Variants in SRD5A2 observed in about 807,000 individuals in gnomAD.
The protein encoded by SRD5A2 is 3-oxo-5-alpha-steroid 4-dehydrogenase 2.
In SRD5A2, 30 loss-of-function variants were observed where a neutral mutation model predicts 27.4. That is an observed-to-expected ratio of 1.10 (90% CI 0.82 to 1.49). The LOEUF is 1.49. Ranked by LOEUF, SRD5A2 falls within the 40% of genes most tolerant of loss-of-function variation. The pLI, the probability that SRD5A2 is intolerant of heterozygous loss-of-function variation, is 0.00. For missense variants in SRD5A2, 348 were observed against 323.4 expected (o/e 1.08, Z -0.58); for synonymous variants, 141 against 133.6 (o/e 1.06, Z -0.38).
At chr2:31,602,919 G>A in the SRD5A2 span, among the ~76,000 whole-genome samples, 1 of 151,900 alleles carries the variant, frequency 6.6e-6, no homozygotes, top group East Asian at 1.9e-4. Context: ...ATTAACTCAA[G>A]ATGGATTAAA....
intron 1 of SRD5A2, among the ~76,000 whole-genome samples, chr2:31,562,309 G>A (rs1317446549): frequency 6.6e-6 from 1 of 151,968 alleles, no homozygotes; most frequent in Non-Finnish European, 1.5e-5. Flanking sequence ...TTGATACAAG[G>A]ATGCAATGTG....
intron 1 of SRD5A2, among the ~76,000 whole-genome samples, chr2:31,555,300 C>A (rs1362985852): frequency 2.6e-5 from 4 of 152,132 alleles, no homozygotes; most frequent in Non-Finnish European, 4.4e-5. Context: ...GGTACCTACA[C>A]TGGTTCTTCA....
intron 4 of SRD5A2, 57 bp downstream of exon 4, chr2:31,529,250 C>A: frequency 6.2e-7 from 1 of 1,602,636 alleles, no homozygotes; most frequent in African/African-American, 1.3e-5. Context: ...GGGTTAAAAG[C>A]CTGTTTGGAG....
At chr2:31,544,837 A>G (rs1666210542) in intron 1 of SRD5A2, among the ~76,000 whole-genome samples, 1 of 151,936 alleles carries the variant, frequency 6.6e-6, no homozygotes, top group South Asian at 2.1e-4. Context: ...GACAAGACTC[A>G]TATTACTAAA....
chr2:31,561,557 A>C (rs1389802548), intron 1 of SRD5A2, among the ~76,000 whole-genome samples: 1 of 152,170 alleles, frequency 6.6e-6, no homozygotes, highest in South Asian at 2.1e-4. Flanking sequence ...GAAAACCTTT[A>C]AGTTCCCTGC....
chr2:31,635,529 C>T, the SRD5A2 span, among the ~76,000 whole-genome samples: 1 of 151,908 alleles, frequency 6.6e-6, no homozygotes, highest in Non-Finnish European at 1.5e-5. Context: ...GCTCCCTTTG[C>T]TTTTTAGAAG....
At chr2:31,570,114 G>A (rs1204607537) in intron 1 of SRD5A2, among the ~76,000 whole-genome samples, 2 of 151,956 alleles carry the variant, frequency 1.3e-5, no homozygotes, top group African/African-American at 4.8e-5. Context: ...ATGAACATCA[G>A]GGCAAAAATC....
chr2:31,653,273 T>C, the SRD5A2 span, among the ~76,000 whole-genome samples: 1 of 152,178 alleles, frequency 6.6e-6, no homozygotes, highest in African/African-American at 2.4e-5. Flanking sequence ...ATCATGGAAC[T>C]GTATTCCAAA....
chr2:31,660,984 G>A, the SRD5A2 span, among the ~76,000 whole-genome samples: 2 of 152,026 alleles, frequency 1.3e-5, no homozygotes, highest in African/African-American at 4.8e-5. Flanking sequence ...CTTCTGTGTG[G>A]CATACCAAAC....
chr2:31,629,860 C>G, the SRD5A2 span, among the ~76,000 whole-genome samples: 1 of 152,174 alleles, frequency 6.6e-6, no homozygotes, highest in Non-Finnish European at 1.5e-5. Flanking sequence ...ATCCCTGCCT[C>G]CTAGGTACCA....
chr2:31,544,718 A>G (rs933267624), intron 1 of SRD5A2, among the ~76,000 whole-genome samples: 1 of 151,880 alleles, frequency 6.6e-6, no homozygotes. Flanking sequence ...AGATCAAAGA[A>G]ATCAAGAATA....
the SRD5A2 span, among the ~76,000 whole-genome samples, chr2:31,635,012 T>C: frequency 6.6e-6 from 1 of 152,204 alleles, no homozygotes; most frequent in African/African-American, 2.4e-5. Context: ...AGCTATCTCT[T>C]TGATACATTG....
the SRD5A2 span, among the ~76,000 whole-genome samples, chr2:31,620,994 AT>A: frequency 6.8e-6 from 1 of 147,980 alleles, no homozygotes; most frequent in Non-Finnish European, 1.5e-5. Context: ...AATATAAATA[AT>A]TTTTAAGGGT....
the SRD5A2 span, among the ~76,000 whole-genome samples, chr2:31,645,476 GTCA>G: frequency 3.9e-5 from 6 of 151,956 alleles, no homozygotes; most frequent in Non-Finnish European, 7.4e-5. Flanking sequence ...AAACGAAATG[GTCA>G]TCTATTTGTT....
intron 1 of SRD5A2, among the ~76,000 whole-genome samples, chr2:31,547,324 C>T (rs913047712): frequency 1.3e-5 from 2 of 152,148 alleles, no homozygotes; most frequent in African/African-American, 2.4e-5. Context: ...AGAAACTGAT[C>T]ATGTCTCCCT....
chr2:31,532,926 C>T (rs955126839), intron 2 of SRD5A2, among the ~76,000 whole-genome samples: 2 of 152,054 alleles, frequency 1.3e-5, no homozygotes, highest in Non-Finnish European at 2.9e-5. Context: ...GAGGAACCAA[C>T]CCCCATGAAT....
intron 1 of SRD5A2, among the ~76,000 whole-genome samples, chr2:31,560,026 C>T (rs1034266914): frequency 3.4e-5 from 5 of 148,682 alleles, no homozygotes; most frequent in Non-Finnish European, 7.4e-5. Context: ...AAAAATTGTA[C>T]GTTCCCACAA....
the SRD5A2 span, among the ~76,000 whole-genome samples, chr2:31,622,503 T>G: frequency 6.6e-6 from 1 of 152,108 alleles, no homozygotes; most frequent in Non-Finnish European, 1.5e-5. Context: ...GGTAAAAATT[T>G]GTAGCCCAAT....
At chr2:31,649,804 G>T in the SRD5A2 span, among the ~76,000 whole-genome samples, 1 of 151,912 alleles carries the variant, frequency 6.6e-6, no homozygotes, top group African/African-American at 2.4e-5. Flanking sequence ...AATATATAAC[G>T]GGTATTTTTC....
Sources: gnomAD v4.1 joint callset for allele counts (sites outside exome capture counted in the v4.1 genomes callset) on GRCh38, gnomAD v4.1.1 for gene constraint, MANE v1.5 for transcripts, NCBI Gene and HGNC (gene_info 2026-07-23, HGNC 2026-07-21) for gene names.